The following CELA2B variants were observed in gnomAD, a reference collection of about 807,000 sequenced individuals.
CELA2B encodes chymotrypsin-like elastase family member 2B.
In CELA2B, 27 loss-of-function variants were observed where a neutral mutation model predicts 36.5. The observed-to-expected ratio is 0.74, with a 90% CI of 0.55 to 1.02. The LOEUF (loss-of-function observed/expected upper bound fraction) is 1.02, where lower values mean the gene tolerates loss of function less well. Among genes scored for constraint, CELA2B ranks in the 50% least tolerant of loss-of-function variants. CELA2B has a pLI of 0.00. For missense variants in CELA2B, 340 were observed against 347.8 expected, an observed-to-expected ratio of 0.98 and a Z score of 0.18; for synonymous variants, 143 against 148.5, an observed-to-expected ratio of 0.96 and a Z score of 0.27.
chr1:15,490,405 G>A (rs1708867301), intron 7 of CELA2B, among the ~76,000 whole-genome samples: 1 of 152,142 alleles, frequency 6.6e-6, no homozygotes, highest in South Asian at 2.1e-4. Context: ...CAGCTAAATA[G>A]TATTCCATAG....
chr1:15,485,832 A>AG, intron 5 of CELA2B, 69 bp from the exon 6 acceptor site: 2 of 1,573,826 alleles, frequency 1.3e-6, no homozygotes, highest in Non-Finnish European at 8.7e-7. Flanking sequence ...GAAATCCAGT[A>AG]GGGGTCCACC....
At position 15,483,304 on chromosome 1, in the gene CELA2B, C is replaced by G. The variant is rs774701588; in HGVS notation, c.397C>G (p.Leu133Val). The change falls in exon 5 of 8, where the codon CTC (leucine) becomes GTC (valine). Residue 133 changes from leucine (L) to valine (V), a missense_variant. Physicochemically the swap from Leu to Val is conservative, Grantham distance 32. Coordinates refer to ENST00000375910, the MANE Select transcript of CELA2B (RefSeq NM_015849.3). The stretch of plus-strand genomic sequence containing the variant: ...GCTCAAACTGGCTAACCCCGTCTCC[C>G]TCACCGACAAGATCCAGCTGGCCTG... ...ALLKLANPVS[L>V]TDKIQLACLP... The G allele has an allele frequency of 6.2e-7, 1 of 1,614,008 alleles. No individual in the cohort carries two copies. The highest frequency in any genetic ancestry group is 8.5e-7 in the Non-Finnish European group (1 of 1,179,912).
At chr1:15,491,159 G>T (rs957087824) in intron 7 of CELA2B, 136 bp from the exon 8 acceptor site, 4 of 928,788 alleles carry the variant, frequency 4.3e-6, no homozygotes, top group Non-Finnish European at 5.3e-6. Context: ...GAACTCCTCA[G>T]GCAGGAGCTA....
chr1:15,478,217 T>TATATATATATATA (rs1491212485), intron 2 of CELA2B, among the ~76,000 whole-genome samples: 30 of 48,516 alleles, frequency 6.2e-4, no homozygotes, highest in African/African-American at 2.2e-3. Flanking sequence ...TATATATATA[T>TATATATATATATA]TGGGATATAT....
intron 7 of CELA2B, among the ~76,000 whole-genome samples, chr1:15,488,841 G>C (rs1437326222): frequency 6.6e-6 from 1 of 152,230 alleles, no homozygotes; most frequent in Non-Finnish European, 1.5e-5. Context: ...CTGCTTCCAA[G>C]TGTTCCCATT....
chr1:15,481,331 T>A, intron 3 of CELA2B, 136 bp downstream of exon 3: 1 of 1,050,976 alleles, frequency 9.5e-7, no homozygotes, highest in Non-Finnish European at 1.5e-6. Context: ...ACACAAGCTG[T>A]AGTCAATCAA....
intron 6 of CELA2B, among the ~76,000 whole-genome samples, 187 bp downstream of exon 6, chr1:15,486,233 C>A (rs1708803014): frequency 6.6e-6 from 1 of 152,158 alleles, no homozygotes; most frequent in African/African-American, 2.4e-5. Context: ...GTAATCCCAG[C>A]ACTTTGGGAG....
Position 15,491,394 on chromosome 1 carries a change from A to G in CELA2B, c.*82A>G. 6.6e-7 allele frequency: 1 copy of G among 1,524,590 alleles called. No individual in the cohort carries two copies. The highest frequency in any genetic ancestry group is 1.1e-5 in the South Asian group (1 of 88,868). The allele number at this position is 1,524,590 out of a possible 1,614,324, so 94.4% of individuals were successfully genotyped here. On this transcript the variant is annotated 3_prime_UTR_variant, in exon 8 of 8. Transcript: ENST00000375910. ...TATTATATAAAGTGACAACTATGCA[A>G]ATCACATCTTGATGAGGGTTTTATT...
intron 4 of CELA2B, 65 bp from the exon 5 acceptor site, chr1:15,483,199 T>C: frequency 1.2e-6 from 2 of 1,604,634 alleles, no homozygotes; most frequent in Non-Finnish European, 1.7e-6. Flanking sequence ...CTCCAAGCCC[T>C]CCAAAGCCCC....
chr1:15,482,884 C>T (rs769735393), intron 4 of CELA2B, among the ~76,000 whole-genome samples: 1 of 152,108 alleles, frequency 6.6e-6, no homozygotes, highest in African/African-American at 2.4e-5. Context: ...CTCCTGGGTT[C>T]ACACCGTTCT....
intron 7 of CELA2B, among the ~76,000 whole-genome samples, chr1:15,490,262 A>AT (rs1491351358): frequency 1.1e-4 from 16 of 140,158 alleles, no homozygotes; most frequent in East Asian, 2.4e-4. Context: ...CTATCTATAT[A>AT]CACACACACA....
intron 1 of CELA2B, 24 bp from the exon 2 acceptor site, chr1:15,476,433 T>A: frequency 1.2e-6 from 2 of 1,611,104 alleles, no homozygotes; most frequent in Non-Finnish European, 1.7e-6. Flanking sequence ...CTTCCTGGAC[T>A]CAAGACCCTT....
At position 15,487,427 on chromosome 1, in the gene CELA2B, G is replaced by C; in HGVS notation, c.782G>C (p.Trp261Ser). ...ACGCGGGTCTCCAACTACAACGACT[G>C]GATCAATTCGGTAAGAACCGGAGCA... is the stretch of plus-strand genomic sequence containing the variant. ...IFTRVSNYND[W>S]INSVIANN Residue 261 changes from tryptophan to serine, a missense_variant, in exon 7 of 8, where the codon TGG becomes TCG. Transcript: ENST00000375910. The C allele has an allele frequency of 6.2e-7, 1 of 1,614,234 alleles. No individual in the cohort carries two copies. The highest frequency in any genetic ancestry group is 1.7e-5 in the Admixed American group (1 of 60,032).
At chr1:15,482,152 C>T (rs1455855506) in intron 3 of CELA2B, 113 bp from the exon 4 acceptor site, 12 of 1,351,170 alleles carry the variant, frequency 8.9e-6, no homozygotes, top group Non-Finnish European at 7.1e-6. Flanking sequence ...AGGAAAGATC[C>T]CCAAGTGCCA....
At position 15,481,086 on chromosome 1, in the gene CELA2B, G is replaced by T. The variant is rs757720815; in HGVS notation, c.130-12G>T. 1 of 1,612,104 alleles carries T rather than the reference G, an allele frequency of 6.2e-7. No homozygotes were observed. The highest frequency in any genetic ancestry group is 2.2e-5 in the East Asian group (1 of 44,886). On this transcript the variant is annotated splice_polypyrimidine_tract_variant and intron_variant, in intron 2 of 7. Transcript: ENST00000375910. ...TTTTCAGCCACAGCCACAGACCTGT[G>T]TTTCTCCCCAGGTCTCCCTGCAGTA...
In CELA2B at chr1:15,480,885, C is replaced by A. The variant is rs559680429; in HGVS notation, c.130-213C>A. Among the ~76,000 whole-genome samples, 196 of 150,554 alleles carry A rather than the reference C, an allele frequency of 1.3e-3. 1 individual carries two copies. The highest frequency in any genetic ancestry group is 4.4e-3 in the African/African-American group (182 of 40,904). On this transcript the variant is annotated intron_variant, in intron 2 of 7. Transcript: ENST00000375910. ...TGTTCTGATTACAGGCATGAGCCAC[C>A]ATGCCTGGCCTGATTTTTTTTTTTT...
In CELA2B at chr1:15,487,332, G is replaced by A; in HGVS notation, c.687G>A (p.Trp229Ter). 1.2e-6 allele frequency: 2 copies of A among 1,614,248 alleles called. No homozygotes were observed. Among genetic ancestry groups the A allele is most frequent in the Non-Finnish European group, 1.7e-6 (2 of 1,180,034 alleles). The change falls in exon 7 of 8, where the codon TGG becomes TGA. Residue 229 changes from tryptophan to a stop codon, truncating the protein, a stop_gained. Coordinates refer to ENST00000375910, the MANE Select transcript of CELA2B (RefSeq NM_015849.3). LOFTEE classifies it high-confidence loss of function. ...PLNCQASDGR[W>*]EVHGIGSLTS... Reference sequence around the variant, plus strand: ...ACTGTCAGGCATCTGACGGCCGGTGGGAGGTGCATGGCATCGGCAGCCTCA... The same window carrying A: ...ACTGTCAGGCATCTGACGGCCGGTGAGAGGTGCATGGCATCGGCAGCCTCA...
intron 6 of CELA2B, among the ~76,000 whole-genome samples, chr1:15,487,030 T>C (rs2103315329): frequency 1.3e-5 from 2 of 152,342 alleles, no homozygotes; most frequent in African/African-American, 4.8e-5. Flanking sequence ...GGCCTGGGGA[T>C]ACTACGAATA....
chr1:15,487,211 G>C, intron 6 of CELA2B, 74 bp from the exon 7 acceptor site: 1 of 1,367,594 alleles, frequency 7.3e-7, no homozygotes, highest in Non-Finnish European at 1.0e-6. Flanking sequence ...CAATAGAAAT[G>C]CATTGAGAAC....
Sources: allele counts gnomAD v4.1 joint callset (sites outside exome capture counted in the v4.1 genomes callset), GRCh38; gene constraint gnomAD v4.1.1; transcripts MANE v1.5; gene names NCBI Gene and HGNC (gene_info 2026-07-23, HGNC 2026-07-21).